BUB1: variants seen among roughly 807,000 people sequenced by gnomAD.
The protein encoded by BUB1 is BUB1 mitotic checkpoint serine/threonine kinase.
In BUB1, 84 loss-of-function variants were observed where a neutral mutation model predicts 135.2. The observed-to-expected ratio is 0.62, with a 90% CI of 0.52 to 0.74. The LOEUF (loss-of-function observed/expected upper bound fraction) is 0.74, where lower values mean the gene tolerates loss of function less well. Among genes scored for constraint, BUB1 ranks in the 30% least tolerant of loss-of-function variants. BUB1 has a pLI of 0.00. For missense variants in BUB1, 1,162 were observed against 1,288.3 expected, an observed-to-expected ratio of 0.90 and a Z score of 1.50; for synonymous variants, 403 against 434.4, an observed-to-expected ratio of 0.93 and a Z score of 0.90.
intron 4 of BUB1, 121 bp downstream of exon 4, chr2:110,672,540 T>C: frequency 9.4e-7 from 1 of 1,066,506 alleles, no homozygotes; most frequent in South Asian, 1.7e-5. Context: ...TATCCTGTAT[T>C]ATCCACATTG....
chr2:110,664,929 T>C (rs1690203781), intron 9 of BUB1, among the ~76,000 whole-genome samples: 1 of 152,236 alleles, frequency 6.6e-6, no homozygotes, highest in African/African-American at 2.4e-5. Context: ...TAGTTAATGT[T>C]AGCCAAATGT....
chr2:110,649,203 T>G, intron 19 of BUB1, 31 bp downstream of exon 19: 1 of 1,586,744 alleles, frequency 6.3e-7, no homozygotes, highest in East Asian at 2.2e-5. Flanking sequence ...GAAACAAGAA[T>G]TTAAAGTTAT....
rs574745405 is a variant in BUB1, at chr2:110,649,319, A to C, written c.2262T>G (p.Leu754=). ...DKLIFKLLSG[L]SKPVSSYPNT... ...TTGGATAGGAACTCACTGGTTTAGA[A>C]AGCCCAGATAAAAGTTTGAAAATCA... The change falls in exon 19 of 25, where the codon CTT becomes CTG. Residue 754 remains leucine (L), a synonymous_variant. Coordinates refer to ENST00000302759, the MANE Select transcript of BUB1 (RefSeq NM_004336.5). 2.6e-5 allele frequency: 42 copies of C among 1,611,808 alleles called. 2 individuals are homozygous for C. The South Asian group carries it at 4.2e-4, about 16-fold the overall frequency.
At position 110,641,102 on chromosome 2, in the gene BUB1, T is replaced by C; in HGVS notation, c.2887A>G (p.Thr963Ala). 2.5e-6 allele frequency: 4 copies of C among 1,613,398 alleles called. No homozygotes were observed. The highest frequency in any genetic ancestry group is 3.4e-6 in the Non-Finnish European group (4 of 1,179,740). The change falls in exon 23 of 25, where the codon ACA (threonine) becomes GCA (alanine). Residue 963 changes from threonine to alanine, a missense_variant. Physicochemically the swap from Thr to Ala is moderately conservative, Grantham distance 58. Transcript: ENST00000302759. ...AAACCAGATGTTTCACACTTTGCTG[T>C]GAATATAGTTCCTTTTGGAAAAAGT... ...MKLFPKGTIF[T>A]AKCETSGFQC...
chr2:110,673,102 T>A (rs921347712), intron 3 of BUB1, among the ~76,000 whole-genome samples: 1 of 152,174 alleles, frequency 6.6e-6, no homozygotes, highest in Admixed American at 6.5e-5. Context: ...CATGTCTGTG[T>A]AAGGCACCTC....
intron 23 of BUB1, 110 bp from the exon 24 acceptor site, chr2:110,639,958 T>C: frequency 2.2e-6 from 2 of 920,876 alleles, no homozygotes; most frequent in Non-Finnish European, 1.8e-6. Flanking sequence ...GATTTTACTT[T>C]TAAAACATTT....
At chr2:110,642,057 TG>T in intron 20 of BUB1, 61 bp downstream of exon 20, 1 of 1,311,820 alleles carries the variant, frequency 7.6e-7, no homozygotes, top group Non-Finnish European at 1.0e-6. Context: ...AAAAATTTCT[TG>T]GCAAACTCAA....
chr2:110,675,373 T>G (rs1690548493), intron 1 of BUB1: 1 of 152,232 alleles, frequency 6.6e-6, no homozygotes. Flanking sequence ...CGGTGACATG[T>G]GATCAGTGCC....
Position 110,667,848 on chromosome 2 carries a change from C to A in BUB1, c.569G>T (p.Gly190Val). ...AGATATCACTCCAGAAAGCTCTGAA[C>A]CCTAAAAAACAGAAAACAAACATGA... ...NNMACISKNQ[G>V]SELSGVISSA... The change falls in exon 7 of 25, where the codon GGT becomes GTT. Residue 190 changes from glycine (G) to valine (V), a missense_variant and splice_region_variant. Physicochemically the swap from Gly to Val is moderately radical, Grantham distance 109. Transcript: ENST00000302759. 6.2e-7 allele frequency: 1 copy of A among 1,611,896 alleles called. No individual in the cohort carries two copies. The highest frequency in any genetic ancestry group is 8.5e-7 in the Non-Finnish European group (1 of 1,179,484).
chr2:110,639,394 CAAAAAAAAAA>C (rs111453356), intron 24 of BUB1, among the ~76,000 whole-genome samples: 1 of 118,162 alleles, frequency 8.5e-6, no homozygotes, highest in South Asian at 2.7e-4. Flanking sequence ...TTCCATAGAC[CAAAAAAAAAA>C]AAAAGAAAAA....
At chr2:110,639,936 A>T in intron 23 of BUB1, 88 bp from the exon 24 acceptor site, 1 of 1,066,310 alleles carries the variant, frequency 9.4e-7, no homozygotes, top group South Asian at 1.3e-5. Context: ...GCAGCAAGTT[A>T]AATACTCACA....
chr2:110,673,624 C>G (rs958421156), intron 3 of BUB1, among the ~76,000 whole-genome samples: 2 of 151,958 alleles, frequency 1.3e-5, no homozygotes, highest in East Asian at 3.9e-4. Context: ...GACAGAGTCT[C>G]ACTCTGTCAC....
intron 6 of BUB1, 83 bp downstream of exon 6, chr2:110,669,370 G>C: frequency 1.1e-6 from 1 of 943,212 alleles, no homozygotes; most frequent in Non-Finnish European, 1.7e-6. Flanking sequence ...GAAATGAGAT[G>C]TCAAAGTGGA....
intron 4 of BUB1, among the ~76,000 whole-genome samples, chr2:110,671,053 A>G (rs1366271885): frequency 6.6e-6 from 1 of 152,096 alleles, no homozygotes; most frequent in Non-Finnish European, 1.5e-5. Flanking sequence ...TTCATTTTCA[A>G]CTCTACCTGT....
chr2:110,675,736 C>T (rs867687434), intron 1 of BUB1, among the ~76,000 whole-genome samples: 1 of 152,068 alleles, frequency 6.6e-6, no homozygotes, highest in Admixed American at 6.5e-5. Context: ...GCTGTAACCT[C>T]GAACTCTTGT....
chr2:110,654,640 T>TC (rs1689875206), intron 16 of BUB1, among the ~76,000 whole-genome samples: 1 of 151,894 alleles, frequency 6.6e-6, no homozygotes, highest in Non-Finnish European at 1.5e-5. Flanking sequence ...AATCTTTTTT[T>TC]TTTTTTTTTT....
Position 110,666,421 on chromosome 2 carries a change from G to T in BUB1, c.806-7C>A. 1 of 1,378,272 alleles carries T rather than the reference G, an allele frequency of 7.3e-7. No individual in the cohort carries two copies. The highest frequency in any genetic ancestry group is 1.5e-5 in the African/African-American group (1 of 67,990). The allele number at this position is 1,378,272 out of a possible 1,614,324, so 85.4% of individuals were successfully genotyped here. A position where few individuals can be genotyped will look rare whatever the true frequency, so the allele number is the denominator to read the frequency against. ...TAATGTCTGTCTTCATTTACTTTAG[G>T]AAAGATAGAAATGGTTTGCATGCAA... On this transcript the variant is annotated splice_region_variant and splice_polypyrimidine_tract_variant and intron_variant, in intron 8 of 24. Coordinates refer to ENST00000302759, the MANE Select transcript of BUB1 (RefSeq NM_004336.5).
In BUB1 at chr2:110,678,032, A is replaced by T. The variant is rs1391016580; in HGVS notation, c.-37T>A. The T allele has an allele frequency of 6.3e-7, 1 of 1,587,416 alleles. No homozygotes were observed. The highest frequency in any genetic ancestry group is 2.3e-5 in the East Asian group (1 of 43,602). ...GCTGGCCGGCAGCGGCCAAACCTGA[A>T]CCGCAAACTAGAAGCCGCCGCCGAT... is the stretch of plus-strand genomic sequence containing the variant. On this transcript the variant is annotated 5_prime_UTR_variant, in exon 1 of 25. Coordinates refer to ENST00000302759, the MANE Select transcript of BUB1 (RefSeq NM_004336.5).
rs1690450002 is a variant in BUB1 at position 110,672,529 on chromosome 2, C to A, written c.422+132G>T. 3.4e-6 allele frequency: 3 copies of A among 875,332 alleles called. No homozygotes were observed. The South Asian group carries it at 8.7e-5, about 25-fold the overall frequency. 54.2% of individuals were successfully genotyped at this position (875,332 alleles called of 1,614,324 possible). ...TTTCTGAGCAGTTTTTTTCTTTACA[C>A]TATCCTGTATTATCCACATTGTCCA... On this transcript the variant is annotated intron_variant, in intron 4 of 24. Coordinates refer to ENST00000302759, the MANE Select transcript of BUB1 (RefSeq NM_004336.5).
Sources: gnomAD v4.1 joint callset for allele counts (sites outside exome capture counted in the v4.1 genomes callset) on GRCh38, gnomAD v4.1.1 for gene constraint, MANE v1.5 for transcripts, NCBI Gene and HGNC (gene_info 2026-07-23, HGNC 2026-07-21) for gene names.